ADAMTS3: variants seen among roughly 807,000 people sequenced by gnomAD.
ADAMTS3 encodes the protein A disintegrin and metalloproteinase with thrombospondin motifs 3.
A neutral mutation model predicts 129.0 loss-of-function variants in ADAMTS3; 73 were observed. That is an observed-to-expected ratio of 0.57 (90% CI 0.47 to 0.69). ADAMTS3 has a LOEUF of 0.69. ADAMTS3 is among the 30% of genes least tolerant of loss of function. The pLI is 0.00. For synonymous variants in ADAMTS3, 477 were observed against 510.8 expected (o/e 0.93, Z 0.89); for missense variants, 1,457 against 1,514.5 (o/e 0.96, Z 0.63).
chr4:72,556,721 G>A lies in ADAMTS3; in HGVS notation c.98-7837C>T, dbSNP rs575325213. On this transcript the variant is annotated intron_variant, in intron 2 of 21. Transcript: ENST00000286657. ...AAGCAAATTCTGAAAATTAAGGCTC[G>A]CAGAGGTTATCTGTAAAAATAAAAA... Among the ~76,000 whole-genome samples, 12 of 151,778 alleles carry A rather than the reference G, an allele frequency of 7.9e-5. 2 individuals are homozygous for A. The highest frequency in any genetic ancestry group is 2.7e-4 in the African/African-American group (11 of 41,120).
At chr4:72,304,110 A>T (rs746252772) in intron 16 of ADAMTS3, 30 bp from the exon 17 acceptor site, 1 of 1,601,876 alleles carries the variant, frequency 6.2e-7, no homozygotes, top group Non-Finnish European at 8.5e-7. Flanking sequence ...TAACCAGCAT[A>T]CATTTTATTT....
intron 2 of ADAMTS3, among the ~76,000 whole-genome samples, chr4:72,560,289 G>A (rs1228428791): frequency 4.7e-5 from 7 of 149,918 alleles, no homozygotes; most frequent in African/African-American, 1.7e-4. Context: ...CATAGGCACA[G>A]ACAAAGATTT....
At chr4:72,451,202 A>T (rs995314829) in intron 3 of ADAMTS3, among the ~76,000 whole-genome samples, 1 of 151,692 alleles carries the variant, frequency 6.6e-6, no homozygotes, top group African/African-American at 2.4e-5. Flanking sequence ...ACAGGAGAAG[A>T]TCAAGTCTGG....
At chr4:72,370,955 T>G (rs1720990344) in intron 4 of ADAMTS3, among the ~76,000 whole-genome samples, 1 of 152,176 alleles carries the variant, frequency 6.6e-6, no homozygotes, top group South Asian at 2.1e-4. Context: ...TGAATTAGCG[T>G]GGGACCTAAT....
chr4:72,495,333 T>A (rs1029821132), intron 3 of ADAMTS3, among the ~76,000 whole-genome samples: 1 of 151,944 alleles, frequency 6.6e-6, no homozygotes, highest in Non-Finnish European at 1.5e-5. Flanking sequence ...AAGAGAGAAA[T>A]GGCAGGCACA....
At chr4:72,291,346 A>G (rs2109772349) in intron 19 of ADAMTS3, among the ~76,000 whole-genome samples, 1 of 151,830 alleles carries the variant, frequency 6.6e-6, no homozygotes, top group South Asian at 2.1e-4. Flanking sequence ...GGTGTGCTGC[A>G]CCCATTAACT....
Position 72,456,029 on chromosome 4 carries a change from TTTACATATAGTA to T in ADAMTS3, c.505-41070_505-41059del, listed in dbSNP as rs1718577828. Among the ~76,000 whole-genome samples the T allele has an allele frequency of 1.9e-4, 9 of 46,218 alleles. 2 individuals carry two copies. The highest frequency in any genetic ancestry group is 6.8e-4 in the African/African-American group (9 of 13,210). The allele number at this position is 46,218 out of a possible 152,430, so 30.3% of individuals were successfully genotyped here. On this transcript the variant is annotated intron_variant, in intron 3 of 21. Transcript: ENST00000286657. ...TATAGTATATATACTATATATATATTTTACATATAGTATATATACTATATATATATTTTACAT... is the reference window on the plus strand; with the variant it reads ...TATAGTATATATACTATATATATATTTATATACTATATATATATTTTACAT...
intron 4 of ADAMTS3, among the ~76,000 whole-genome samples, chr4:72,365,096 G>T (rs568978326): frequency 9.2e-5 from 14 of 152,306 alleles, no homozygotes; most frequent in South Asian, 2.1e-4. Flanking sequence ...AATGGTTGAA[G>T]AATTTCATAC....
At chr4:72,412,671 G>A (rs770274603) in intron 4 of ADAMTS3, among the ~76,000 whole-genome samples, 8 of 151,900 alleles carry the variant, frequency 5.3e-5, no homozygotes, top group South Asian at 2.1e-4. Flanking sequence ...TCATATTAAC[G>A]TTTATCATGG....
chr4:72,284,948 C>G (rs183524028), intron 21 of ADAMTS3, among the ~76,000 whole-genome samples: 2 of 152,282 alleles, frequency 1.3e-5, no homozygotes, highest in East Asian at 3.9e-4. Flanking sequence ...GAGTAGCATC[C>G]CTGCATATGT....
Position 72,283,118 on chromosome 4 carries a change from C to T in ADAMTS3, c.*18G>A. On this transcript the variant is annotated 3_prime_UTR_variant, in exon 22 of 22. Transcript: ENST00000286657. ...GTCCAGGTTTTCCTCTGGTTTCTAG[C>T]CTTTTTGGTTCACTTTCTCATCTTT... 1.9e-6 allele frequency: 3 copies of T among 1,575,938 alleles called. No homozygotes were observed. Among genetic ancestry groups the T allele is most frequent in the Non-Finnish European group, 2.6e-6 (3 of 1,160,822 alleles).
intron 2 of ADAMTS3, among the ~76,000 whole-genome samples, chr4:72,558,244 T>C (rs533318911): frequency 6.6e-6 from 1 of 151,988 alleles, no homozygotes; most frequent in South Asian, 2.1e-4. Flanking sequence ...TGGGACAGTC[T>C]ACTAGGTCAC....
chr4:72,291,100 G>A, intron 19 of ADAMTS3, 38 bp from the exon 20 acceptor site: 5 of 1,605,294 alleles, frequency 3.1e-6, no homozygotes, highest in Non-Finnish European at 4.3e-6. Flanking sequence ...ATTATCACTG[G>A]TATGTATAGT....
chr4:72,309,495 C>A lies in ADAMTS3; in HGVS notation c.2081G>T (p.Gly694Val). The change falls in exon 15 of 22, where the codon GGT (glycine) becomes GTT (valine). Residue 694 changes from glycine to valine, a missense_variant. By Grantham distance (109) the Gly-to-Val change is moderately radical. Transcript: ENST00000286657. ...ACACTTATCCTCAACCTTATTAGAA[C>A]CAATTTCTTTATCACAGCCCACTTT... is the stretch of plus-strand genomic sequence containing the variant. The part of the protein sequence containing the change: ...CVKVGCDKEI[G>V]SNKVEDKCGV... 6.2e-7 allele frequency: 1 copy of A among 1,611,786 alleles called. No individual in the cohort carries two copies. The highest frequency in any genetic ancestry group is 2.2e-5 in the East Asian group (1 of 44,770).
chr4:72,365,079 A>G (rs556769547), intron 4 of ADAMTS3, among the ~76,000 whole-genome samples: 7 of 152,366 alleles, frequency 4.6e-5, no homozygotes, highest in Admixed American at 1.3e-4. Flanking sequence ...GGAGGCACTC[A>G]GCAAATAATG....
chr4:72,535,494 C>G (rs1050102210), intron 3 of ADAMTS3, among the ~76,000 whole-genome samples: 1 of 152,186 alleles, frequency 6.6e-6, no homozygotes. Flanking sequence ...TTAGAGACAT[C>G]ACCAGACAGA....
At chr4:72,434,069 T>G (rs1722761514) in intron 3 of ADAMTS3, among the ~76,000 whole-genome samples, 1 of 151,756 alleles carries the variant, frequency 6.6e-6, no homozygotes, top group East Asian at 2.0e-4. Flanking sequence ...CCTTCAAGCT[T>G]GAGTACATTC....
chr4:72,551,021 C>T (rs947801795), intron 2 of ADAMTS3, among the ~76,000 whole-genome samples: 3 of 152,126 alleles, frequency 2.0e-5, no homozygotes, highest in Non-Finnish European at 4.4e-5. Context: ...GAACACTCGC[C>T]TTGTCTAAGC....
intron 3 of ADAMTS3, among the ~76,000 whole-genome samples, chr4:72,446,834 C>T (rs924801502): frequency 1.3e-5 from 2 of 151,432 alleles, no homozygotes; most frequent in South Asian, 2.1e-4. Flanking sequence ...TTTTTCTATC[C>T]CTTCTCTAGT....
Sources: allele counts gnomAD v4.1 joint callset (sites outside exome capture counted in the v4.1 genomes callset), GRCh38; gene constraint gnomAD v4.1.1; transcripts MANE v1.5; gene names NCBI Gene and HGNC (gene_info 2026-07-23, HGNC 2026-07-21).